CNTNAP2: variants seen among roughly 807,000 people sequenced by gnomAD.
CNTNAP2 encodes contactin-associated protein-like 2.
CNTNAP2 carries 98 observed loss-of-function variants against 155.2 expected under a neutral mutation model. The ratio of observed to expected loss-of-function variants is 0.63; its 90% CI spans 0.54 to 0.75. The LOEUF (loss-of-function observed/expected upper bound fraction) is 0.75, where lower values mean the gene tolerates loss of function less well. Ranked by LOEUF, CNTNAP2 falls within the 30% of genes least tolerant of loss-of-function variation. CNTNAP2 has a pLI of 0.00. For synonymous variants in CNTNAP2, 651 were observed against 631.2 expected, an observed-to-expected ratio of 1.03 and a Z score of -0.47; for missense variants, 1,727 against 1,688.1, an observed-to-expected ratio of 1.02 and a Z score of -0.40.
intron 15 of CNTNAP2, among the ~76,000 whole-genome samples, chr7:148,106,992 A>C (rs1804238101): frequency 6.6e-6 from 1 of 152,136 alleles, no homozygotes; most frequent in African/African-American, 2.4e-5. Flanking sequence ...CTCAGGCATA[A>C]ATAATAGCCC....
At chr7:147,583,635 G>C (rs2116830898) in intron 12 of CNTNAP2, among the ~76,000 whole-genome samples, 1 of 151,244 alleles carries the variant, frequency 6.6e-6, no homozygotes, top group Middle Eastern at 3.5e-3. Flanking sequence ...CAATTTTAAA[G>C]TTTAACTCTT....
chr7:146,746,740 A>G (rs2129181823), intron 1 of CNTNAP2, among the ~76,000 whole-genome samples: 1 of 152,280 alleles, frequency 6.6e-6, no homozygotes, highest in Admixed American at 6.5e-5. Flanking sequence ...GATTATGCCT[A>G]CTTACCATTA....
At chr7:146,758,030 G>T (rs936020131) in intron 1 of CNTNAP2, among the ~76,000 whole-genome samples, 4 of 152,036 alleles carry the variant, frequency 2.6e-5, no homozygotes, top group Non-Finnish European at 5.9e-5. Context: ...TTTATTTTTT[G>T]TAATGACATT....
intron 10 of CNTNAP2, among the ~76,000 whole-genome samples, chr7:147,400,924 G>C (rs1796902795): frequency 6.6e-6 from 1 of 152,096 alleles, no homozygotes; most frequent in Non-Finnish European, 1.5e-5. Flanking sequence ...CCTTTCCCTA[G>C]TCCCCACTTC....
chr7:146,745,957 C>A (rs1024276360), intron 1 of CNTNAP2, among the ~76,000 whole-genome samples: 1 of 152,124 alleles, frequency 6.6e-6, no homozygotes, highest in African/African-American at 2.4e-5. Context: ...ATGGTGAAAT[C>A]TCTTCATTAA....
intron 1 of CNTNAP2, among the ~76,000 whole-genome samples, chr7:146,420,341 A>G (rs1478302291): frequency 2.0e-5 from 3 of 152,054 alleles, no homozygotes; most frequent in Non-Finnish European, 4.4e-5. Context: ...GGTTTCTGTT[A>G]ATGAACAAAG....
chr7:146,980,730 A>T (rs1302514457), intron 3 of CNTNAP2, among the ~76,000 whole-genome samples: 1 of 152,180 alleles, frequency 6.6e-6, no homozygotes, highest in Non-Finnish European at 1.5e-5. Context: ...CACCAAGGCA[A>T]CTGCGCTAAA....
intron 13 of CNTNAP2, among the ~76,000 whole-genome samples, chr7:147,799,514 C>T (rs1797953692): frequency 6.6e-6 from 1 of 151,940 alleles, no homozygotes; most frequent in Non-Finnish European, 1.5e-5. Flanking sequence ...TTTGTTATGT[C>T]TACAAAGCAT....
intron 13 of CNTNAP2, among the ~76,000 whole-genome samples, chr7:147,743,584 C>A (rs74720005): frequency 0.032 from 4,893 of 152,262 alleles, 253 homozygotes; most frequent in African/African-American, 0.11. Context: ...TGTCCAGTCA[C>A]GCTCTGGTAA....
At chr7:147,714,900 T>A (rs1406998447) in intron 13 of CNTNAP2, among the ~76,000 whole-genome samples, 1 of 152,152 alleles carries the variant, frequency 6.6e-6, no homozygotes, top group Admixed American at 6.6e-5. Context: ...TCTATAATGA[T>A]GTTATTTCAC....
chr7:147,645,442 T>C (rs1795350736), intron 13 of CNTNAP2, among the ~76,000 whole-genome samples: 1 of 152,220 alleles, frequency 6.6e-6, no homozygotes, highest in Non-Finnish European at 1.5e-5. Flanking sequence ...TTAATTATTA[T>C]ACCCACTCAT....
At chr7:147,236,298 G>C (rs75974721) in intron 8 of CNTNAP2, among the ~76,000 whole-genome samples, 13,849 of 152,210 alleles carry the variant, frequency 0.091, 666 homozygotes, top group African/African-American at 0.1. Context: ...TTCCTTGGTT[G>C]CCCTAAACCC....
intron 1 of CNTNAP2, among the ~76,000 whole-genome samples, chr7:146,671,388 C>T (rs150402628): frequency 6.6e-6 from 1 of 151,894 alleles, no homozygotes; most frequent in African/African-American, 2.4e-5. Context: ...ACCTCTGTCT[C>T]TTTCTTTTTC....
intron 8 of CNTNAP2, among the ~76,000 whole-genome samples, chr7:147,199,788 A>G (rs1035704616): frequency 2.0e-4 from 30 of 151,990 alleles, no homozygotes; most frequent in African/African-American, 6.3e-4. Context: ...GAAAGCCTGT[A>G]CATTTTTGAG....
At chr7:147,575,327 G>A (rs1268389666) in intron 12 of CNTNAP2, among the ~76,000 whole-genome samples, 1 of 146,828 alleles carries the variant, frequency 6.8e-6, no homozygotes, top group African/African-American at 2.5e-5. Context: ...ATATGTGTGT[G>A]TGTGTGTGTG....
intron 9 of CNTNAP2, among the ~76,000 whole-genome samples, chr7:147,341,147 C>T (rs1365654800): frequency 1.3e-5 from 2 of 150,258 alleles, no homozygotes; most frequent in Admixed American, 1.3e-4. Flanking sequence ...GGGAGAATAT[C>T]TGCTCCATTG....
At chr7:147,736,809 T>G (rs1172142834) in intron 13 of CNTNAP2, among the ~76,000 whole-genome samples, 1 of 152,228 alleles carries the variant, frequency 6.6e-6, no homozygotes, top group Non-Finnish European at 1.5e-5. Context: ...TCCAGTTGAT[T>G]GAATCGGCTA....
chr7:147,712,329 A>T (rs376009100), intron 13 of CNTNAP2, among the ~76,000 whole-genome samples: 7 of 152,284 alleles, frequency 4.6e-5, no homozygotes, highest in African/African-American at 9.6e-5. Flanking sequence ...ATTGTGGAAG[A>T]CAGTGTGGCA....
rs186878028 is a variant in CNTNAP2, at chr7:148,286,998, A to G, written c.3475+19872A>G. On this transcript the variant is annotated intron_variant, in intron 21 of 23. Transcript: ENST00000361727. ...TCTGGGTTTGGACAAATGTGTAATG[A>G]CACAGATCCACCATTACAGTATCAT... Among the ~76,000 whole-genome samples the G allele has an allele frequency of 7.2e-5, 11 of 152,318 alleles. No individual in the cohort carries two copies. The East Asian group carries it at 2.1e-3, about 29-fold the overall frequency.
Sources: allele counts gnomAD v4.1 joint callset (sites outside exome capture counted in the v4.1 genomes callset), GRCh38; gene constraint gnomAD v4.1.1; transcripts MANE v1.5; gene names NCBI Gene and HGNC (gene_info 2026-07-23, HGNC 2026-07-21).